ZNF713: variants seen among roughly 807,000 people sequenced by gnomAD.
The protein encoded by ZNF713 is zinc finger protein 713.
ZNF713 carries 21 observed loss-of-function variants against 28.7 expected under a neutral mutation model. The observed-to-expected ratio is 0.73, with a 90% CI of 0.52 to 1.05. The LOEUF is 1.05. Ranked by LOEUF, ZNF713 falls within the 50% of genes least tolerant of loss-of-function variation. The pLI is 0.00. For missense variants in ZNF713, 458 were observed against 532.4 expected, an observed-to-expected ratio of 0.86 and a Z score of 1.37; for synonymous variants, 167 against 178.0, an observed-to-expected ratio of 0.94 and a Z score of 0.49.
intron 6 of ZNF713, among the ~76,000 whole-genome samples, chr7:55,936,756 G>C (rs1327635565): frequency 2.0e-5 from 3 of 152,108 alleles, no homozygotes; most frequent in African/African-American, 4.8e-5. Context: ...GGGTCAGCCA[G>C]CATGGTCTTG....
In ZNF713 at chr7:55,939,616, T is replaced by C. The variant is rs1786423007; in HGVS notation, c.942T>C (p.Phe314=). 6.2e-7 allele frequency: 1 copy of C among 1,614,196 alleles called. No individual in the cohort carries two copies. The highest frequency in any genetic ancestry group is 1.7e-5 in the Admixed American group (1 of 60,018). Reference sequence around the variant, plus strand: ...GAATTCACACAGGAGAAAAGCCTTTTATATGCAATGGATGTGGGAAAGCCT... The same window carrying C: ...GAATTCACACAGGAGAAAAGCCTTTCATATGCAATGGATGTGGGAAAGCCT... ...HQRIHTGEKP[F]ICNGCGKAFR... is the part of the protein sequence containing the mutation. Residue 314 remains phenylalanine, a synonymous_variant, in exon 7 of 7, where the codon TTT becomes TTC. Coordinates refer to ENST00000429591, the MANE Select transcript of ZNF713 (RefSeq NM_182633.3).
chr7:55,887,774 CGGGG>C, intron 1 of ZNF713, 94 bp downstream of exon 1: 15 of 652 alleles, frequency 0.023, 1 homozygote, highest in Non-Finnish European at 0.031. Context: ...GGGGCGGAGG[CGGGG>C]GGCGGAGGCG....
intron 6 of ZNF713, among the ~76,000 whole-genome samples, chr7:55,935,099 C>G (rs1489904561): frequency 6.6e-6 from 1 of 151,842 alleles, no homozygotes; most frequent in Non-Finnish European, 1.5e-5. Flanking sequence ...CCGTGTTGGC[C>G]AGGCTGGTCT....
intron 4 of ZNF713, among the ~76,000 whole-genome samples, chr7:55,913,173 CT>C (rs1196895497): frequency 3.4e-5 from 5 of 148,446 alleles, no homozygotes; most frequent in African/African-American, 1.2e-4. Context: ...CTTCCAAAAC[CT>C]GTTTAAATCT....
intron 3 of ZNF713, 55 bp from the exon 4 acceptor site, chr7:55,912,580 G>A: frequency 7.6e-7 from 1 of 1,307,536 alleles, no homozygotes; most frequent in South Asian, 1.3e-5. Flanking sequence ...GAATCTCCAG[G>A]ATTTAAATTT....
intron 6 of ZNF713, among the ~76,000 whole-genome samples, chr7:55,925,636 G>GA (rs759597127): frequency 1.6e-4 from 25 of 151,924 alleles, no homozygotes; most frequent in Non-Finnish European, 2.9e-4. Flanking sequence ...GAAAAGGGAA[G>GA]AAAAGAAAAC....
At chr7:55,898,826 C>T (rs1785520152) in intron 1 of ZNF713, among the ~76,000 whole-genome samples, 1 of 151,706 alleles carries the variant, frequency 6.6e-6, no homozygotes, top group Non-Finnish European at 1.5e-5. Flanking sequence ...AAAAAAAAGA[C>T]AACATACAAA....
chr7:55,935,944 G>A (rs537532251), intron 6 of ZNF713, among the ~76,000 whole-genome samples: 6 of 151,094 alleles, frequency 4.0e-5, no homozygotes, highest in African/African-American at 1.5e-4. Context: ...AACAGAGTGA[G>A]ACTCTGTCTC....
Position 55,939,353 on chromosome 7 carries a change from G to A in ZNF713, c.679G>A (p.Gly227Arg), listed in dbSNP as rs756944263. ...TAATTCAGACTTGATTTACTATCAG[G>A]GAAATTATGTAAGAGAGACTCCCTA... ...KHNSDLIYYQ[G>R]NYVRETPYEY... The change falls in exon 7 of 7, where the codon GGA becomes AGA. Residue 227 changes from glycine to arginine, a missense_variant. Gly to Arg is a moderately radical substitution (Grantham distance 125, BLOSUM62 -2). Coordinates refer to ENST00000429591, the MANE Select transcript of ZNF713 (RefSeq NM_182633.3). 9.3e-6 allele frequency: 15 copies of A among 1,613,804 alleles called. No homozygotes were observed. The Admixed American group carries it at 1.2e-4, about 13-fold the overall frequency.
chr7:55,893,561 G>A (rs1785424915), intron 1 of ZNF713, among the ~76,000 whole-genome samples: 4 of 151,938 alleles, frequency 2.6e-5, no homozygotes, highest in Admixed American at 6.6e-5. Flanking sequence ...TGGAGAAAAA[G>A]CATTCCTGTT....
chr7:55,901,597 C>T (rs1785579592), intron 1 of ZNF713, among the ~76,000 whole-genome samples: 1 of 152,096 alleles, frequency 6.6e-6, no homozygotes, highest in East Asian at 1.9e-4. Context: ...CATAGAAACA[C>T]TAAAAAAAGG....
chr7:55,923,361 A>G (rs902770365), intron 5 of ZNF713, 73 bp downstream of exon 5: 6 of 1,535,346 alleles, frequency 3.9e-6, no homozygotes, highest in Admixed American at 2.1e-5. Context: ...GAAGCCTGCA[A>G]AGTTTTTGTG....
intron 6 of ZNF713, among the ~76,000 whole-genome samples, chr7:55,928,492 ATG>A (rs1455949234): frequency 5.9e-5 from 9 of 152,116 alleles, no homozygotes; most frequent in Non-Finnish European, 1.0e-4. Flanking sequence ...AAGAGACAGA[ATG>A]TGAGTAAGGC....
rs1785788504 is a variant in ZNF713 at position 55,911,739 on chromosome 7, T to C, written c.-332T>C. 1.3e-5 allele frequency: 2 copies of C among 152,150 alleles called. No individual in the cohort carries two copies. Among genetic ancestry groups the C allele is most frequent in the Admixed American group, 6.6e-5 (1 of 15,266 alleles). The allele number at this position is 152,150 out of a possible 1,614,324, so 9.4% of individuals were successfully genotyped here. A position where few individuals can be genotyped will look rare whatever the true frequency, so the allele number is the denominator to read the frequency against. On this transcript the variant is annotated 5_prime_UTR_variant, in exon 3 of 7. Transcript: ENST00000429591. The stretch of plus-strand genomic sequence containing the variant: ...GGAAAAAAAAAGGTAATAACAACCT[T>C]CAAGAGCCCCTTCATCTCAACTCGG...
chr7:55,924,935 TAA>T (rs1163065720), intron 6 of ZNF713: 3 of 152,098 alleles, frequency 2.0e-5, no homozygotes, highest in Non-Finnish European at 4.4e-5. Context: ...TCATTTTACT[TAA>T]ATATTTCAAA....
chr7:55,937,157 AGGT>A (rs1786369430), intron 6 of ZNF713, among the ~76,000 whole-genome samples: 1 of 151,984 alleles, frequency 6.6e-6, no homozygotes, highest in African/African-American at 2.4e-5. Context: ...AAGATTAACC[AGGT>A]GTAGTGGTGC....
At chr7:55,893,582 T>C (rs1785425600) in intron 1 of ZNF713, among the ~76,000 whole-genome samples, 1 of 152,122 alleles carries the variant, frequency 6.6e-6, no homozygotes, top group African/African-American at 2.4e-5. Flanking sequence ...TTTTGTTGTT[T>C]TGTTTTTGTT....
At chr7:55,926,478 C>T (rs1786098040) in intron 6 of ZNF713, among the ~76,000 whole-genome samples, 1 of 152,054 alleles carries the variant, frequency 6.6e-6, no homozygotes, top group Admixed American at 6.6e-5. Context: ...TCTTCAATAT[C>T]CTGTGAGACA....
At chr7:55,889,816 T>G (rs1410739262) in intron 1 of ZNF713, among the ~76,000 whole-genome samples, 1 of 152,258 alleles carries the variant, frequency 6.6e-6, no homozygotes, top group African/African-American at 2.4e-5. Context: ...TTCAACTGAT[T>G]GGAAATGTCA....
Sources: gnomAD v4.1 joint callset for allele counts (sites outside exome capture counted in the v4.1 genomes callset) on GRCh38, gnomAD v4.1.1 for gene constraint, MANE v1.5 for transcripts, NCBI Gene and HGNC (gene_info 2026-07-23, HGNC 2026-07-21) for gene names.